The following CTDSPL2 variants were observed in gnomAD, a reference collection of about 807,000 sequenced individuals.
The protein encoded by CTDSPL2 is CTD small phosphatase-like protein 2.
In CTDSPL2, 5 loss-of-function variants were observed where a neutral mutation model predicts 60.0. The ratio of observed to expected loss-of-function variants is 0.08; its 90% CI spans 0.04 to 0.18. The LOEUF (loss-of-function observed/expected upper bound fraction) is 0.18. CTDSPL2 is among the 10% of genes least tolerant of loss of function. The probability of loss-of-function intolerance (pLI) is 1.00; values close to 1 mark genes in which losing one functional copy is unlikely to be tolerated. For missense variants in CTDSPL2, 370 were observed against 548.8 expected, an observed-to-expected ratio of 0.67 and a Z score of 3.26; for synonymous variants, 186 against 189.3, an observed-to-expected ratio of 0.98 and a Z score of 0.14.
rs2081846615 is a variant in CTDSPL2 at position 44,524,808 on chromosome 15, GT to G, written c.*637del. 1 of 152,458 alleles carries G rather than the reference GT, an allele frequency of 6.6e-6. No individual in the cohort carries two copies. 9.4% of individuals were successfully genotyped at this position (152,458 alleles called of 1,614,324 possible). A position where few individuals can be genotyped will look rare whatever the true frequency, so the allele number is the denominator to read the frequency against. On this transcript the variant is annotated 3_prime_UTR_variant, in exon 13 of 13. Coordinates refer to ENST00000260327, the MANE Select transcript of CTDSPL2 (RefSeq NM_016396.3). Reference sequence around the variant, plus strand: ...TTGTCTGCCTGCACATTGTATATTTGTTTAAAAATATTCTCTACTTTTAGTC... The same window carrying G: ...TTGTCTGCCTGCACATTGTATATTTGTTAAAAATATTCTCTACTTTTAGTC...
At chr15:44,515,804 C>T (rs1198341284) in intron 10 of CTDSPL2, among the ~76,000 whole-genome samples, 3 of 151,938 alleles carry the variant, frequency 2.0e-5, no homozygotes, top group Non-Finnish European at 4.4e-5. Context: ...ACCCGGAAGG[C>T]GGAGGTTATG....
At chr15:44,438,676 G>C (rs1214528378) in intron 1 of CTDSPL2, among the ~76,000 whole-genome samples, 1 of 152,130 alleles carries the variant, frequency 6.6e-6, no homozygotes, top group Admixed American at 6.6e-5. Context: ...AGTTTTGGGT[G>C]AGTTGAATTT....
chr15:44,487,360 T>A (rs1595749490), intron 4 of CTDSPL2, among the ~76,000 whole-genome samples: 1 of 152,000 alleles, frequency 6.6e-6, no homozygotes, highest in Non-Finnish European at 1.5e-5. Flanking sequence ...GAGGCTGAGG[T>A]GGGAGGAATG....
chr15:44,521,453 A>G (rs1034942258), intron 12 of CTDSPL2, 47 bp downstream of exon 12: 2 of 971,784 alleles, frequency 2.1e-6, no homozygotes, highest in Admixed American at 2.2e-5. Flanking sequence ...TAGCTCAACT[A>G]TATTGAAATA....
intron 1 of CTDSPL2, among the ~76,000 whole-genome samples, chr15:44,432,534 C>G (rs974998975): frequency 2.0e-5 from 3 of 152,038 alleles, no homozygotes; most frequent in African/African-American, 7.2e-5. Context: ...GTTGGCCAGG[C>G]TGTTCTCGAA....
At chr15:44,455,681 T>C (rs1202414682) in intron 1 of CTDSPL2, among the ~76,000 whole-genome samples, 2 of 152,146 alleles carry the variant, frequency 1.3e-5, no homozygotes, top group Admixed American at 6.6e-5. Context: ...GAGATAATCA[T>C]GTGGTTTTTG....
intron 1 of CTDSPL2, among the ~76,000 whole-genome samples, chr15:44,437,731 TAC>T (rs2080004984): frequency 6.6e-6 from 1 of 152,192 alleles, no homozygotes; most frequent in Non-Finnish European, 1.5e-5. Flanking sequence ...TCAAGACTCT[TAC>T]AGTCTAGTGC....
At chr15:44,489,242 G>C (rs2081177209) in intron 4 of CTDSPL2, among the ~76,000 whole-genome samples, 1 of 149,576 alleles carries the variant, frequency 6.7e-6, no homozygotes, top group African/African-American at 2.5e-5. Context: ...TTGTTCCATA[G>C]CCTGCAACTA....
At chr15:44,475,814 T>C (rs1488334022) in intron 2 of CTDSPL2, among the ~76,000 whole-genome samples, 1 of 152,226 alleles carries the variant, frequency 6.6e-6, no homozygotes. Context: ...ATGTCTCATC[T>C]ATTTAAGTAT....
In CTDSPL2 at chr15:44,528,518, T is replaced by C. The variant is rs2081904209; in HGVS notation, c.*4344T>C. 6.6e-6 allele frequency: 1 copy of C among 152,012 alleles called. No individual in the cohort carries two copies. 9.4% of individuals were successfully genotyped at this position (152,012 alleles called of 1,614,324 possible). On this transcript the variant is annotated 3_prime_UTR_variant, in exon 13 of 13. Coordinates refer to ENST00000260327, the MANE Select transcript of CTDSPL2 (RefSeq NM_016396.3). ...TCTCTTTGTGGTAGAGTTTTTTTTT[T>C]TTTAAACTGGGACCAGATTTCACAG...
At chr15:44,475,132 A>G (rs369254367) in intron 2 of CTDSPL2, among the ~76,000 whole-genome samples, 3 of 152,044 alleles carry the variant, frequency 2.0e-5, no homozygotes, top group Admixed American at 6.6e-5. Flanking sequence ...AATAAGGCAC[A>G]GAAGTACAAT....
chr15:44,499,236 C>G (rs755336572), intron 7 of CTDSPL2, among the ~76,000 whole-genome samples: 3 of 152,058 alleles, frequency 2.0e-5, no homozygotes, highest in Non-Finnish European at 2.9e-5. Flanking sequence ...GAAACCCTGT[C>G]TCTACTAAAA....
chr15:44,462,921 T>C (rs1377814583), intron 2 of CTDSPL2, among the ~76,000 whole-genome samples: 1 of 151,946 alleles, frequency 6.6e-6, no homozygotes, highest in African/African-American at 2.4e-5. Flanking sequence ...CCCAGGCTGG[T>C]CTTGAACTCC....
intron 7 of CTDSPL2, among the ~76,000 whole-genome samples, chr15:44,497,460 G>T (rs1323023239): frequency 6.6e-6 from 1 of 152,064 alleles, no homozygotes; most frequent in Non-Finnish European, 1.5e-5. Flanking sequence ...CCGCCTCCCG[G>T]GTTTACACAA....
At chr15:44,472,595 C>A (rs2080833503) in intron 2 of CTDSPL2, among the ~76,000 whole-genome samples, 1 of 149,852 alleles carries the variant, frequency 6.7e-6, no homozygotes, top group South Asian at 2.1e-4. Flanking sequence ...GCTTCCTGGG[C>A]TCAAGTGATC....
At chr15:44,492,192 C>T (rs1316662165) in intron 5 of CTDSPL2, among the ~76,000 whole-genome samples, 3 of 151,950 alleles carry the variant, frequency 2.0e-5, no homozygotes, top group Non-Finnish European at 4.4e-5. Flanking sequence ...TTAAATTAGC[C>T]GGGGATGGTG....
chr15:44,444,219 A>G (rs1236580703), intron 1 of CTDSPL2, among the ~76,000 whole-genome samples: 1 of 151,320 alleles, frequency 6.6e-6, no homozygotes, highest in Non-Finnish European at 1.5e-5. Flanking sequence ...CACCCAATTT[A>G]TCTGTTTTTC....
Position 44,525,796 on chromosome 15 carries a change from C to T in CTDSPL2, c.*1622C>T, listed in dbSNP as rs2081862390. On this transcript the variant is annotated 3_prime_UTR_variant, in exon 13 of 13. Transcript: ENST00000260327. ...TAAAGGCATGAGTTATGTCAATTTT[C>T]AGTGTATTAATGAAGATTTTAACTT... 1.3e-5 allele frequency: 3 copies of T among 224,714 alleles called. No homozygotes were observed. The highest frequency in any genetic ancestry group is 6.8e-5 in the African/African-American group (3 of 44,200). The allele number at this position is 224,714 out of a possible 1,614,324, so 13.9% of individuals were successfully genotyped here.
intron 12 of CTDSPL2, among the ~76,000 whole-genome samples, chr15:44,522,375 C>T (rs1240667528): frequency 1.3e-5 from 2 of 152,120 alleles, no homozygotes; most frequent in African/African-American, 4.8e-5. Flanking sequence ...TTATGCTTAT[C>T]AGTACTTAAG....
Sources: gnomAD v4.1 joint callset for allele counts (sites outside exome capture counted in the v4.1 genomes callset) on GRCh38, gnomAD v4.1.1 for gene constraint, MANE v1.5 for transcripts, NCBI Gene and HGNC (gene_info 2026-07-23, HGNC 2026-07-21) for gene names.